Variants in SMCO4 observed in about 807,000 individuals in gnomAD.
SMCO4 encodes the protein single-pass membrane protein with coiled-coil domains 4, also known as single-pass membrane and coiled-coil domain-containing protein 4.
A neutral mutation model predicts 3.6 loss-of-function variants in SMCO4; 4 were observed. The ratio of observed to expected loss-of-function variants is 1.11; its 90% CI spans 0.54 to 2.53. The LOEUF is 2.53. Ranked by LOEUF, SMCO4 falls within the 30% of genes most tolerant of loss-of-function variation. The pLI is 0.02. For missense variants in SMCO4, 70 were observed against 80.8 expected (o/e 0.87, Z 0.51); for synonymous variants, 36 against 35.3 (o/e 1.02, Z -0.07).
chr11:93,544,605 T>C (rs916870593), upstream of SMCO4, among the ~76,000 whole-genome samples: 1 of 152,216 alleles, frequency 6.6e-6, no homozygotes, highest in Non-Finnish European at 1.5e-5. Context: ...CTTCCTGTTT[T>C]CTTCCTGACC....
chr11:93,523,959 G>C (rs369316749), intron 1 of SMCO4, among the ~76,000 whole-genome samples: 1 of 152,248 alleles, frequency 6.6e-6, no homozygotes, highest in Admixed American at 6.5e-5. Context: ...CTGAAACAGG[G>C]TTTTTAAGCT....
chr11:93,501,670 C>T (rs1243737389), intron 1 of SMCO4, among the ~76,000 whole-genome samples: 1 of 152,218 alleles, frequency 6.6e-6, no homozygotes, highest in African/African-American at 2.4e-5. Flanking sequence ...TACTTAGTCA[C>T]ATCTGCAAAC....
intron 1 of SMCO4, among the ~76,000 whole-genome samples, chr11:93,525,457 A>G (rs1229537749): frequency 6.6e-6 from 1 of 152,200 alleles, no homozygotes; most frequent in East Asian, 1.9e-4. Flanking sequence ...CTTGAAAGAA[A>G]AAAGTTCCAT....
chr11:93,532,256 T>C (rs1205137091), intron 1 of SMCO4, among the ~76,000 whole-genome samples: 2 of 152,244 alleles, frequency 1.3e-5, no homozygotes, highest in Non-Finnish European at 2.9e-5. Context: ...TAATGGTTAA[T>C]TTTAGATGTC....
chr11:93,490,254 T>C (rs1394467424), intron 2 of SMCO4, among the ~76,000 whole-genome samples: 2 of 152,232 alleles, frequency 1.3e-5, no homozygotes, highest in African/African-American at 4.8e-5. Flanking sequence ...GTTAAATTAA[T>C]AGCCATCAGC....
intron 2 of SMCO4, among the ~76,000 whole-genome samples, chr11:93,492,263 A>G (rs1166448955): frequency 2.0e-5 from 3 of 152,194 alleles, no homozygotes; most frequent in Non-Finnish European, 4.4e-5. Flanking sequence ...CATTCTTTCA[A>G]ACACTTCCTG....
At chr11:93,516,915 G>A (rs950475856) in intron 1 of SMCO4, among the ~76,000 whole-genome samples, 3 of 152,116 alleles carry the variant, frequency 2.0e-5, no homozygotes, top group African/African-American at 7.2e-5. Flanking sequence ...TTCTTTACCA[G>A]TGAAAGTCAG....
chr11:93,512,543 T>G (rs1425137669), intron 1 of SMCO4, among the ~76,000 whole-genome samples: 2 of 152,262 alleles, frequency 1.3e-5, no homozygotes, highest in Non-Finnish European at 2.9e-5. Context: ...TTTTATACTA[T>G]ATTTTTATTG....
the SMCO4 span, among the ~76,000 whole-genome samples, chr11:93,551,495 C>T: frequency 8.5e-5 from 13 of 152,138 alleles, no homozygotes. Flanking sequence ...GACAGGGAGT[C>T]CCCAGCTTCT....
chr11:93,543,125 C>T (rs1949285485), intron 1 of SMCO4, among the ~76,000 whole-genome samples, 151 bp downstream of exon 1: 1 of 150,892 alleles, frequency 6.6e-6, no homozygotes, highest in Non-Finnish European at 1.5e-5. Flanking sequence ...AGGCCTGGGT[C>T]AGCAGCACTG....
chr11:93,519,467 A>AT (rs761627117), intron 1 of SMCO4, among the ~76,000 whole-genome samples: 2 of 152,244 alleles, frequency 1.3e-5, no homozygotes, highest in Admixed American at 6.5e-5. Flanking sequence ...AAACAACTCA[A>AT]TTAATTCATT....
At position 93,510,104 on chromosome 11, in the gene SMCO4, G is replaced by A. The variant is rs535513769; in HGVS notation, c.-153-10756C>T. Among the ~76,000 whole-genome samples, 10 of 152,278 alleles carry A rather than the reference G, an allele frequency of 6.6e-5. 1 individual carries two copies. The South Asian group carries it at 2.1e-3, about 32-fold the overall frequency. On this transcript the variant is annotated intron_variant, in intron 1 of 2. Transcript: ENST00000298966. The stretch of plus-strand genomic sequence containing the variant: ...CTACAGTTTCCTCTTGCATAAAATG[G>A]GGAGTCCACCACCTACTTGACAAGG...
Position 93,479,277 on chromosome 11 carries a change from GAGAACAACTGTGATAGT to G in SMCO4, c.-80-25_-80-9del. The G allele has an allele frequency of 6.6e-7, 1 of 1,516,694 alleles. No individual in the cohort carries two copies. Among genetic ancestry groups the G allele is most frequent in the South Asian group, 1.3e-5 (1 of 75,356 alleles). 94.0% of individuals were successfully genotyped at this position (1,516,694 alleles called of 1,614,324 possible). A position where few individuals can be genotyped will look rare whatever the true frequency, so the allele number is the denominator to read the frequency against. On this transcript the variant is annotated splice_polypyrimidine_tract_variant and intron_variant, in intron 2 of 2. Transcript: ENST00000298966. ...TGCCAAGGCTGGAACCTCCTGTAGAGAGAACAACTGTGATAGTAGAGAATAAACCAAATAGAAGAAAA... is the reference window on the plus strand; with the variant it reads ...TGCCAAGGCTGGAACCTCCTGTAGAGAGAGAATAAACCAAATAGAAGAAAA...
intron 1 of SMCO4, among the ~76,000 whole-genome samples, chr11:93,533,195 G>GACATA (rs1323133463): frequency 1.3e-5 from 2 of 152,136 alleles, no homozygotes; most frequent in Admixed American, 1.3e-4. Flanking sequence ...AAAAACTAAC[G>GACATA]ACATACATGG....
intron 1 of SMCO4, among the ~76,000 whole-genome samples, chr11:93,516,193 A>C (rs2605623): frequency 6.6e-6 from 1 of 152,040 alleles, no homozygotes; most frequent in Non-Finnish European, 1.5e-5. Flanking sequence ...AGAACACAGG[A>C]GACCAAGAAC....
In SMCO4 at chr11:93,479,057, T is replaced by C. The variant is rs1948558008; in HGVS notation, c.133A>G (p.Ile45Val). Residue 45 changes from isoleucine to valine, a missense_variant, in exon 3 of 3, where the codon ATC becomes GTC. Coordinates refer to ENST00000298966, the MANE Select transcript of SMCO4 (RefSeq NM_020179.3). ...LPTLAVVVLL[I>V]VVFVYVATRP... ...GTGGCCACGTACACAAACACCACGA[T>C]CAAGAGCACGACCACGGCCAGCGTG... 6.2e-7 allele frequency: 1 copy of C among 1,613,556 alleles called. No homozygotes were observed.
intron 1 of SMCO4, among the ~76,000 whole-genome samples, chr11:93,520,472 A>T (rs1193177991): frequency 1.3e-5 from 2 of 152,186 alleles, no homozygotes; most frequent in Non-Finnish European, 2.9e-5. Context: ...AAAGTCAAAC[A>T]CCTTGTTGGA....
intron 1 of SMCO4, among the ~76,000 whole-genome samples, chr11:93,528,134 T>C (rs1468774731): frequency 1.3e-5 from 2 of 152,084 alleles, no homozygotes; most frequent in African/African-American, 2.4e-5. Flanking sequence ...AGCCCTCCTA[T>C]AATATGAAAA....
intron 1 of SMCO4, among the ~76,000 whole-genome samples, chr11:93,516,175 C>G (rs1949006175): frequency 6.6e-6 from 1 of 151,778 alleles, no homozygotes; most frequent in Non-Finnish European, 1.5e-5. Context: ...AAAATTGTAC[C>G]AAGACCAAGA....
Sources: gnomAD v4.1 joint callset for allele counts (sites outside exome capture counted in the v4.1 genomes callset) on GRCh38, gnomAD v4.1.1 for gene constraint, MANE v1.5 for transcripts, NCBI Gene and HGNC (gene_info 2026-07-23, HGNC 2026-07-21) for gene names.